The following IGF1R variants were observed in gnomAD, a reference collection of about 807,000 sequenced individuals.
IGF1R encodes insulin like growth factor 1 receptor.
Under a neutral mutation model 144.6 loss-of-function variants are expected in IGF1R, and 44 were observed. The ratio of observed to expected loss-of-function variants is 0.30; its 90% CI spans 0.24 to 0.39. IGF1R has a LOEUF of 0.39. IGF1R is among the 10% of genes least tolerant of loss of function. IGF1R has a pLI of 1.00. For missense variants in IGF1R, 1,355 were observed against 1,833.7 expected, an observed-to-expected ratio of 0.74 and a Z score of 4.77; for synonymous variants, 795 against 722.8, an observed-to-expected ratio of 1.10 and a Z score of -1.60.
At chr15:98,726,598 A>G (rs1199745927) in intron 2 of IGF1R, among the ~76,000 whole-genome samples, 1 of 152,128 alleles carries the variant, frequency 6.6e-6, no homozygotes, top group Non-Finnish European at 1.5e-5. Context: ...GACATAGTAT[A>G]GTTAAATTGC....
chr15:98,851,112 G>A (rs1339348742), intron 2 of IGF1R, among the ~76,000 whole-genome samples: 2 of 152,148 alleles, frequency 1.3e-5, no homozygotes, highest in Non-Finnish European at 2.9e-5. Context: ...GGCCTCTCCC[G>A]GGCAGGCAGG....
At chr15:98,656,455 A>G (rs1438766487) in intron 1 of IGF1R, among the ~76,000 whole-genome samples, 1 of 152,176 alleles carries the variant, frequency 6.6e-6, no homozygotes, top group Non-Finnish European at 1.5e-5. Context: ...AGGCTGAGGC[A>G]GGAGAATTGC....
At chr15:98,916,218 C>A in intron 9 of IGF1R, 87 bp downstream of exon 9, 4 of 1,180,916 alleles carry the variant, frequency 3.4e-6, no homozygotes, top group Non-Finnish European at 5.0e-6. Context: ...TTACACGTAT[C>A]AGACAACAGT....
intron 2 of IGF1R, among the ~76,000 whole-genome samples, chr15:98,722,013 C>T (rs1215217911): frequency 1.3e-5 from 2 of 152,142 alleles, no homozygotes; most frequent in African/African-American, 2.4e-5. Flanking sequence ...AGTTATAAGT[C>T]GCACCTAGGT....
intron 18 of IGF1R, among the ~76,000 whole-genome samples, chr15:98,940,696 C>T (rs2016333407): frequency 6.6e-6 from 1 of 152,230 alleles, no homozygotes; most frequent in Admixed American, 6.5e-5. Flanking sequence ...TGAGCCACCA[C>T]ACCCAGCTGA....
chr15:98,942,067 C>T (rs2016384733), intron 18 of IGF1R, among the ~76,000 whole-genome samples: 2 of 152,288 alleles, frequency 1.3e-5, no homozygotes, highest in African/African-American at 2.4e-5. Context: ...GTAATAGCTT[C>T]AGGGGCCTCG....
At chr15:98,944,148 G>A (rs2151720531) in intron 19 of IGF1R, among the ~76,000 whole-genome samples, 1 of 152,306 alleles carries the variant, frequency 6.6e-6, no homozygotes, top group South Asian at 2.1e-4. Flanking sequence ...TTTATTCTAG[G>A]CTTCGTGCCT....
At chr15:98,957,002 G>GC (rs2017016207) in intron 20 of IGF1R, 59 bp from the exon 21 acceptor site, 1 of 1,602,134 alleles carries the variant, frequency 6.2e-7, no homozygotes, top group Admixed American at 1.7e-5. Flanking sequence ...GGCCCATGAA[G>GC]CCTCCTGGCC....
chr15:98,728,887 T>C (rs1411214592), intron 2 of IGF1R, among the ~76,000 whole-genome samples: 4 of 152,258 alleles, frequency 2.6e-5, no homozygotes, highest in Non-Finnish European at 5.9e-5. Context: ...TTGGCTGTGC[T>C]ACCTCTTGGC....
chr15:98,689,992 G>A (rs1186412965), intron 1 of IGF1R, among the ~76,000 whole-genome samples: 2 of 152,154 alleles, frequency 1.3e-5, no homozygotes, highest in Non-Finnish European at 2.9e-5. Context: ...AGGAGATAGA[G>A]CAAGTAAGGA....
At chr15:98,741,224 G>C (rs2054732796) in intron 2 of IGF1R, among the ~76,000 whole-genome samples, 1 of 92,960 alleles carries the variant, frequency 1.1e-5, no homozygotes, top group African/African-American at 4.6e-5. Flanking sequence ...GCTTTATATA[G>C]TTTTCCTGAG....
chr15:98,923,847 C>A, intron 11 of IGF1R, 29 bp from the exon 12 acceptor site: 2 of 1,611,124 alleles, frequency 1.2e-6, no homozygotes, highest in Non-Finnish European at 1.7e-6. Flanking sequence ...AACCCAAATC[C>A]AACTTTGTCA....
chr15:98,902,394 G>A (rs2014525928), intron 5 of IGF1R, among the ~76,000 whole-genome samples: 7 of 149,872 alleles, frequency 4.7e-5, no homozygotes, highest in Admixed American at 4.0e-4. Flanking sequence ...TTGTTAACAC[G>A]TGTCACACTA....
intron 2 of IGF1R, among the ~76,000 whole-genome samples, chr15:98,834,604 C>T (rs1053920332): frequency 6.6e-6 from 1 of 152,214 alleles, no homozygotes; most frequent in Non-Finnish European, 1.5e-5. Flanking sequence ...CCAGAAATAT[C>T]TGAAAGCAAA....
At chr15:98,802,368 C>G (rs928891337) in intron 2 of IGF1R, among the ~76,000 whole-genome samples, 4 of 152,242 alleles carry the variant, frequency 2.6e-5, no homozygotes, top group African/African-American at 9.6e-5. Context: ...AGAGAAAACT[C>G]ATGGTGGTGA....
intron 2 of IGF1R, among the ~76,000 whole-genome samples, chr15:98,882,966 C>T (rs923261201): frequency 3.9e-5 from 6 of 152,184 alleles, no homozygotes; most frequent in Admixed American, 2.6e-4. Flanking sequence ...CTGTGTGCTC[C>T]TGGGTGCACC....
At chr15:98,819,123 G>T (rs551655964) in intron 2 of IGF1R, among the ~76,000 whole-genome samples, 6 of 152,072 alleles carry the variant, frequency 3.9e-5, no homozygotes, top group South Asian at 2.1e-4. Flanking sequence ...AGACATCCAG[G>T]GGGGGCAAGC....
chr15:98,872,973 T>C (rs1235279169), intron 2 of IGF1R, among the ~76,000 whole-genome samples: 1 of 152,188 alleles, frequency 6.6e-6, no homozygotes, highest in African/African-American at 2.4e-5. Flanking sequence ...GCTTCTGGAC[T>C]GGTAGTTTTG....
At chr15:98,652,991 T>C (rs2052406797) in intron 1 of IGF1R, among the ~76,000 whole-genome samples, 1 of 152,000 alleles carries the variant, frequency 6.6e-6, no homozygotes, top group Non-Finnish European at 1.5e-5. Flanking sequence ...TATGCTACCT[T>C]AAATTACGTT....
Sources: gnomAD v4.1 joint callset for allele counts (sites outside exome capture counted in the v4.1 genomes callset) on GRCh38, gnomAD v4.1.1 for gene constraint, MANE v1.5 for transcripts, NCBI Gene and HGNC (gene_info 2026-07-23, HGNC 2026-07-21) for gene names.